The following TNPO2 variants were observed in gnomAD, a reference collection of about 807,000 sequenced individuals.
TNPO2 encodes transportin 2.
TNPO2 carries 16 observed loss-of-function variants against 111.1 expected under a neutral mutation model. That is an observed-to-expected ratio of 0.14 (90% confidence interval 0.10 to 0.22). The LOEUF (loss-of-function observed/expected upper bound fraction) is 0.22. TNPO2 is among the 10% of genes least tolerant of loss of function. TNPO2 has a pLI of 1.00. For synonymous variants in TNPO2, 481 were observed against 475.8 expected (o/e 1.01, Z -0.14); for missense variants, 530 against 1,173.7 (o/e 0.45, Z 8.01).
intron 10 of TNPO2, among the ~76,000 whole-genome samples, chr19:12,712,841 T>A (rs1391185585): frequency 6.6e-6 from 1 of 152,180 alleles, no homozygotes; most frequent in Non-Finnish European, 1.5e-5. Context: ...CTTTGTCTTG[T>A]GTCTTTATTT....
At chr19:12,703,220 C>A (rs961215938) in intron 20 of TNPO2, among the ~76,000 whole-genome samples, 5 of 152,160 alleles carry the variant, frequency 3.3e-5, no homozygotes, top group African/African-American at 1.2e-4. Context: ...GTCTTTTAGC[C>A]AACTACACAA....
At position 12,719,918 on chromosome 19, in the gene TNPO2, T is replaced by TA. The variant is rs1331607144; in HGVS notation, c.100-583dup. 2.7e-5 allele frequency among the ~76,000 whole-genome samples: 4 copies of TA among 150,776 alleles called. No homozygotes were observed. Among genetic ancestry groups the TA allele is most frequent in the Non-Finnish European group, 4.4e-5 (3 of 67,868 alleles). Reference sequence around the variant, plus strand: ...ATCCCACTCCTCTTAAAGTGGCAGCTACTAGTCAGCGATCCCCACTAACAG... The same window carrying TA: ...ATCCCACTCCTCTTAAAGTGGCAGCTAACTAGTCAGCGATCCCCACTAACAG... On this transcript the variant is annotated intron_variant, in intron 3 of 25. Transcript: ENST00000425528. This position sits in a 1 kb window ranked among gnomAD's most constrained non-coding sequence, Gnocchi z 5.0.
chr19:12,703,809 T>C lies in TNPO2; in HGVS notation c.2023-8A>G. 6.4e-7 allele frequency: 1 copy of C among 1,573,054 alleles called. No homozygotes were observed. Among genetic ancestry groups the C allele is most frequent in the Non-Finnish European group, 8.6e-7 (1 of 1,159,128 alleles). On this transcript the variant is annotated splice_region_variant and splice_polypyrimidine_tract_variant and intron_variant, in intron 18 of 25. Transcript: ENST00000425528. ...GACCTCAGGCATCGAGTCCTGGGGA[T>C]TCAAGTAAGATCAGTGTGGCTAGGC...
Position 12,715,601 on chromosome 19 carries a change from C to G in TNPO2, c.432+32G>C, listed in dbSNP as rs1040871835. On this transcript the variant is annotated intron_variant, in intron 6 of 25. Coordinates refer to ENST00000425528, the MANE Select transcript of TNPO2 (RefSeq NM_001382241.1). This position sits in a 1 kb window ranked among gnomAD's most constrained non-coding sequence, Gnocchi z 7.1. The stretch of plus-strand genomic sequence containing the variant: ...GGGTGGTGGTCCCAGCCCCCCAGTA[C>G]TCGCTCTGGCCATCCATGGCTTCTT... 4 of 1,613,554 alleles carry G rather than the reference C, an allele frequency of 2.5e-6. No homozygotes were observed. Among genetic ancestry groups the G allele is most frequent in the Non-Finnish European group, 3.4e-6 (4 of 1,179,702 alleles).
chr19:12,716,055 G>C (rs2026348244), intron 5 of TNPO2, among the ~76,000 whole-genome samples: 1 of 151,908 alleles, frequency 6.6e-6, no homozygotes, highest in Non-Finnish European at 1.5e-5. Flanking sequence ...ATTGTTTGTA[G>C]AGATGGGATC....
At chr19:12,712,376 T>C (rs1448324417) in intron 10 of TNPO2, among the ~76,000 whole-genome samples, 6 of 152,114 alleles carry the variant, frequency 3.9e-5, no homozygotes, top group Non-Finnish European at 8.8e-5. Flanking sequence ...AAGACTCTGC[T>C]CCTCCACCTC....
At chr19:12,722,495 G>A (rs1462927723) in intron 2 of TNPO2, 2 of 149,884 alleles carry the variant, frequency 1.3e-5, no homozygotes, top group Non-Finnish European at 3.0e-5. Context: ...GGGCAGCAGC[G>A]GCGGCAACTC....
In TNPO2 at chr19:12,701,515, C is replaced by G; in HGVS notation, c.2587-62G>C. 6.3e-7 allele frequency: 1 copy of G among 1,597,286 alleles called. No homozygotes were observed. The highest frequency in any genetic ancestry group is 8.6e-7 in the Non-Finnish European group (1 of 1,165,044). On this transcript the variant is annotated intron_variant, in intron 24 of 25. Transcript: ENST00000425528. This position sits in a 1 kb window ranked among gnomAD's most constrained non-coding sequence, Gnocchi z 5.0. ...AGAACAAGGGGAGTGCGCCTCTTCC[C>G]CCATCCCCAGGCCCCATTGTTACCA...
intron 11 of TNPO2, 46 bp from the exon 12 acceptor site, chr19:12,711,507 G>A (rs1287777441): frequency 4.3e-6 from 7 of 1,613,682 alleles, no homozygotes; most frequent in African/African-American, 2.7e-5. Flanking sequence ...CCACAGCCGC[G>A]ACACCCACGC....
rs1030508434 is a variant in TNPO2 at position 12,700,238 on chromosome 19, C to T, written c.*1026G>A. ...TCCTCTGTCATCATCAATTAAACGC[C>T]CCTGCCCCAGGCCTTGAGTTAAAAC... On this transcript the variant is annotated 3_prime_UTR_variant, in exon 26 of 26. Transcript: ENST00000425528. 1 of 151,884 alleles carries T rather than the reference C, an allele frequency of 6.6e-6. No individual in the cohort carries two copies. Among genetic ancestry groups the T allele is most frequent in the East Asian group, 1.9e-4 (1 of 5,186 alleles). 9.4% of individuals were successfully genotyped at this position (151,884 alleles called of 1,614,324 possible).
rs761922597 is a variant in TNPO2 at position 12,706,159 on chromosome 19, C to G, written c.1668+37G>C. ...CCAGGTCACTGGATGCCCAGGGGCACGGGGATCGGGAGGCGGGAGCCGCTC... is the reference window on the plus strand; with the variant it reads ...CCAGGTCACTGGATGCCCAGGGGCAGGGGGATCGGGAGGCGGGAGCCGCTC... On this transcript the variant is annotated intron_variant, in intron 15 of 25. Transcript: ENST00000425528. This position sits in a 1 kb window ranked among gnomAD's most constrained non-coding sequence, Gnocchi z 7.0. 6.2e-7 allele frequency: 1 copy of G among 1,600,516 alleles called. No homozygotes were observed.
Position 12,720,747 on chromosome 19 carries a change from C to T in TNPO2, c.99+132G>A, listed in dbSNP as rs984930353. 6.2e-6 allele frequency: 7 copies of T among 1,135,442 alleles called. No homozygotes were observed. In the South Asian group the frequency reaches 1.1e-4, roughly 18 times the overall value. 70.3% of individuals were successfully genotyped at this position (1,135,442 alleles called of 1,614,324 possible). On this transcript the variant is annotated intron_variant, in intron 3 of 25. Coordinates refer to ENST00000425528, the MANE Select transcript of TNPO2 (RefSeq NM_001382241.1). The stretch of plus-strand genomic sequence containing the variant: ...CCCAGGAATTGTAATCCTTCTCTGT[C>T]CAGGGCAGATCCTCCGCACAGCAGA...
At position 12,705,832 on chromosome 19, in the gene TNPO2, T is replaced by G; in HGVS notation, c.1669-64A>C. Reference sequence around the variant, plus strand: ...GGTGGCAGACTGTGACTCAGGTACCTGTTGCCCGAGTGATGAGGCCTGAGC... The same window carrying G: ...GGTGGCAGACTGTGACTCAGGTACCGGTTGCCCGAGTGATGAGGCCTGAGC... On this transcript the variant is annotated intron_variant, in intron 15 of 25. Transcript: ENST00000425528. The surrounding 1 kb of genome is among the most constrained non-coding windows in gnomAD (Gnocchi z 7.2). The G allele has an allele frequency of 8.2e-7, 1 of 1,225,978 alleles. No individual in the cohort carries two copies. Among genetic ancestry groups the G allele is most frequent in the Non-Finnish European group, 1.1e-6 (1 of 896,532 alleles). 75.9% of individuals were successfully genotyped at this position (1,225,978 alleles called of 1,614,324 possible).
At chr19:12,710,336 G>A (rs867067195) in intron 13 of TNPO2, among the ~76,000 whole-genome samples, 4 of 152,182 alleles carry the variant, frequency 2.6e-5, no homozygotes, top group African/African-American at 9.7e-5. Flanking sequence ...ATAAGTGCAC[G>A]AGGCAAGCAT....
At chr19:12,703,019 G>T in intron 20 of TNPO2, 101 bp from the exon 21 acceptor site, 1 of 1,023,798 alleles carries the variant, frequency 9.8e-7, no homozygotes, top group Non-Finnish European at 1.5e-6. Flanking sequence ...TCCAACTAGA[G>T]ACTGGCCAAC....
Position 12,703,709 on chromosome 19 carries a change from C to T in TNPO2, c.2110+5G>A, listed in dbSNP as rs1015516964. Reference sequence around the variant, plus strand: ...CATGGGTTAGGGACAAGGCGAGTGTCGTACCGATACAGGGCTTGACATGGA... The same window carrying T: ...CATGGGTTAGGGACAAGGCGAGTGTTGTACCGATACAGGGCTTGACATGGA... On this transcript the variant is annotated splice_donor_5th_base_variant and intron_variant, in intron 19 of 25. Coordinates refer to ENST00000425528, the MANE Select transcript of TNPO2 (RefSeq NM_001382241.1). 3.5e-5 allele frequency: 57 copies of T among 1,606,940 alleles called. No homozygotes were observed. Among genetic ancestry groups the T allele is most frequent in the East Asian group, 4.5e-5 (2 of 44,618 alleles).
chr19:12,703,983 A>G (rs1248017230), intron 18 of TNPO2, among the ~76,000 whole-genome samples, 182 bp from the exon 19 acceptor site: 2 of 152,142 alleles, frequency 1.3e-5, no homozygotes, highest in African/African-American at 2.4e-5. Flanking sequence ...CAGTGCCCCA[A>G]CGGTCATCCC....
Position 12,721,577 on chromosome 19 carries a change from T to C in TNPO2, c.-13-587A>G, listed in dbSNP as rs1235597754. Reference sequence around the variant, plus strand: ...CCTGATCTCTCCTGTCCCCTGTTCCTGCCCTTCAAGCTCAGTGGATGCCAG... The same window carrying C: ...CCTGATCTCTCCTGTCCCCTGTTCCCGCCCTTCAAGCTCAGTGGATGCCAG... On this transcript the variant is annotated intron_variant, in intron 2 of 25. Transcript: ENST00000425528. This position sits in a 1 kb window ranked among gnomAD's most constrained non-coding sequence, Gnocchi z 4.9. 6 of 278,076 alleles carry C rather than the reference T, an allele frequency of 2.2e-5. No individual in the cohort carries two copies. The highest frequency in any genetic ancestry group is 4.2e-5 in the Non-Finnish European group (6 of 141,346). The allele number at this position is 278,076 out of a possible 1,614,324, so 17.2% of individuals were successfully genotyped here. A position where few individuals can be genotyped will look rare whatever the true frequency, so the allele number is the denominator to read the frequency against.
chr19:12,715,861 C>A lies in TNPO2; in HGVS notation c.326-122G>T. On this transcript the variant is annotated intron_variant, in intron 5 of 25. Coordinates refer to ENST00000425528, the MANE Select transcript of TNPO2 (RefSeq NM_001382241.1). This position sits in a 1 kb window ranked among gnomAD's most constrained non-coding sequence, Gnocchi z 7.1. The stretch of plus-strand genomic sequence containing the variant: ...CCTAGCCCATGTACGCCCTCTACAT[C>A]CCCCCTCCTTTTTTTTTTCTTTGTA... 1.5e-5 allele frequency: 11 copies of A among 713,752 alleles called. 2 individuals carry two copies. Among genetic ancestry groups the A allele is most frequent in the South Asian group, 1.3e-4 (7 of 54,968 alleles). 44.2% of individuals were successfully genotyped at this position (713,752 alleles called of 1,614,324 possible).
Sources: gnomAD v4.1 joint callset for allele counts (sites outside exome capture counted in the v4.1 genomes callset) on GRCh38, gnomAD v4.1.1 for gene constraint, Gnocchi (gnomAD v3.1) non-coding constraint, MANE v1.5 for transcripts, NCBI Gene and HGNC (gene_info 2026-07-23, HGNC 2026-07-21) for gene names.